Variants in RAD23B observed in about 807,000 individuals in gnomAD.
RAD23B encodes RAD23 nucleotide excision repair protein B, also known as lysine-specific demethylase RAD23B.
A neutral mutation model predicts 49.1 loss-of-function variants in RAD23B; 5 were observed. The observed-to-expected ratio is 0.10, with a 90% CI of 0.05 to 0.21. The LOEUF is 0.21. Among genes scored for constraint, RAD23B ranks in the 10% least tolerant of loss-of-function variants. The pLI is 1.00. For synonymous variants in RAD23B, 184 were observed against 165.4 expected (o/e 1.11, Z -0.86); for missense variants, 356 against 486.7 (o/e 0.73, Z 2.53).
intron 1 of RAD23B, among the ~76,000 whole-genome samples, chr9:107,288,549 G>A (rs544872299): frequency 3.9e-5 from 6 of 152,282 alleles, no homozygotes; most frequent in South Asian, 2.1e-4. Flanking sequence ...GGGCTCAAGC[G>A]ATTCTCCTGC....
Position 107,308,322 on chromosome 9 carries a change from G to A in RAD23B, c.497+1675G>A, listed in dbSNP as rs186205570. 1.5e-3 allele frequency among the ~76,000 whole-genome samples: 226 copies of A among 151,446 alleles called. 1 individual carries two copies. The highest frequency in any genetic ancestry group is 4.0e-3 in the African/African-American group (166 of 41,266). ...CAACCTCCACCTCCCGGGTTCAAGC[G>A]ATTCTCCTGTCTCAGCCTCCTGAGT... On this transcript the variant is annotated intron_variant, in intron 4 of 9. Coordinates refer to ENST00000358015, the MANE Select transcript of RAD23B (RefSeq NM_002874.5).
chr9:107,308,743 C>T (rs1332009970), intron 4 of RAD23B, among the ~76,000 whole-genome samples: 1 of 152,176 alleles, frequency 6.6e-6, no homozygotes, highest in Admixed American at 6.5e-5. Context: ...AAATACAACA[C>T]AGGAAGAGAG....
At chr9:107,309,577 A>T (rs1826848148) in intron 4 of RAD23B, among the ~76,000 whole-genome samples, 1 of 152,198 alleles carries the variant, frequency 6.6e-6, no homozygotes, top group Non-Finnish European at 1.5e-5. Flanking sequence ...AGATTAAAGA[A>T]TAATGGTTAA....
At chr9:107,319,699 A>G (rs566782623) in intron 6 of RAD23B, among the ~76,000 whole-genome samples, 1 of 152,204 alleles carries the variant, frequency 6.6e-6, no homozygotes, top group South Asian at 2.1e-4. Context: ...TTCCGTTGGC[A>G]TTTGAATTTG....
intron 6 of RAD23B, among the ~76,000 whole-genome samples, chr9:107,320,746 C>T (rs1827093794): frequency 6.6e-6 from 1 of 152,072 alleles, no homozygotes; most frequent in Admixed American, 6.6e-5. Context: ...TTGATGGACG[C>T]CCTGGATCCT....
intron 1 of RAD23B, among the ~76,000 whole-genome samples, chr9:107,292,404 A>T (rs1303110388): frequency 6.6e-6 from 1 of 152,162 alleles, no homozygotes; most frequent in East Asian, 1.9e-4. Context: ...GGTCAGGCTG[A>T]GCGCCGTGGC....
intron 9 of RAD23B, 65 bp from the exon 10 acceptor site, chr9:107,329,478 G>A (rs1369477924): frequency 2.9e-6 from 3 of 1,026,306 alleles, no homozygotes; most frequent in Non-Finnish European, 4.4e-6. Flanking sequence ...TCTATAATAT[G>A]TAAATAAAAT....
At chr9:107,315,391 T>C (rs1764099841) in intron 5 of RAD23B, among the ~76,000 whole-genome samples, 1 of 152,216 alleles carries the variant, frequency 6.6e-6, no homozygotes, top group Non-Finnish European at 1.5e-5. Context: ...GGTAGTATTA[T>C]TTGAAGTCAG....
intron 6 of RAD23B, among the ~76,000 whole-genome samples, chr9:107,321,279 TTTAAGTATCTCATTTATGAGATAC>T (rs869295736): frequency 6.6e-6 from 1 of 150,906 alleles, no homozygotes; most frequent in East Asian, 2.0e-4. Flanking sequence ...TATGAGATAC[TTTAAGTATCTCATTTATGAGATAC>T]TTTGACACTT....
Position 107,283,665 on chromosome 9 carries a change from C to A in RAD23B, c.36C>A (p.Thr12=). 6.7e-7 allele frequency: 1 copy of A among 1,483,928 alleles called. No homozygotes were observed. The highest frequency in any genetic ancestry group is 3.1e-5 in the East Asian group (1 of 32,284). The allele number at this position is 1,483,928 out of a possible 1,614,324, so 91.9% of individuals were successfully genotyped here. Residue 12 remains threonine (T), a synonymous_variant, in exon 1 of 10, where the codon ACC becomes ACA. Transcript: ENST00000358015. ...QVTLKTLQQQ[T]FKIDIDPEET... is the part of the protein sequence containing the mutation. ...CCCTGAAGACCCTCCAGCAGCAGAC[C>A]TTCAAGATAGACATTGACCCCGAGG... is the stretch of plus-strand genomic sequence containing the variant.
At chr9:107,310,014 A>G (rs1378180049) in intron 4 of RAD23B, among the ~76,000 whole-genome samples, 2 of 151,958 alleles carry the variant, frequency 1.3e-5, no homozygotes, top group Non-Finnish European at 2.9e-5. Flanking sequence ...TTTAAAATGT[A>G]TTATACAGTA....
intron 1 of RAD23B, among the ~76,000 whole-genome samples, chr9:107,286,651 G>C (rs562013767): frequency 6.6e-6 from 1 of 152,130 alleles, no homozygotes; most frequent in Non-Finnish European, 1.5e-5. Flanking sequence ...CCATTGCTAG[G>C]AGATTTTCTT....
intron 5 of RAD23B, among the ~76,000 whole-genome samples, chr9:107,317,917 C>T (rs16912374): frequency 0.022 from 3,346 of 152,056 alleles, 117 homozygotes; most frequent in African/African-American, 0.074. Context: ...CTCTCTTTCC[C>T]CCGTTTCAGT....
At chr9:107,294,309 C>G (rs1833445270) in intron 1 of RAD23B, among the ~76,000 whole-genome samples, 1 of 152,130 alleles carries the variant, frequency 6.6e-6, no homozygotes. Flanking sequence ...TTAACCATGT[C>G]TTTGTCTCTA....
At chr9:107,302,664 T>TG (rs958630692) in intron 3 of RAD23B, among the ~76,000 whole-genome samples, 10 of 151,028 alleles carry the variant, frequency 6.6e-5, no homozygotes, top group Non-Finnish European at 1.0e-4. Flanking sequence ...TGTTTTGTTT[T>TG]TTTTTTTTTG....
Position 107,329,677 on chromosome 9 carries a change from A to C in RAD23B, c.*21A>C. 1 of 1,498,892 alleles carries C rather than the reference A, an allele frequency of 6.7e-7. No homozygotes were observed. The highest frequency in any genetic ancestry group is 9.3e-7 in the Non-Finnish European group (1 of 1,076,494). 92.8% of individuals were successfully genotyped at this position (1,498,892 alleles called of 1,614,324 possible). On this transcript the variant is annotated 3_prime_UTR_variant, in exon 10 of 10. Transcript: ENST00000358015. Reference sequence around the variant, plus strand: ...ATTGAAAGGGACTTTTTTATATCTCACACTTCACACCAGTGCATTACACTA... The same window carrying C: ...ATTGAAAGGGACTTTTTTATATCTCCCACTTCACACCAGTGCATTACACTA...
At chr9:107,325,459 CT>C (rs1827187159) in intron 9 of RAD23B, among the ~76,000 whole-genome samples, 1 of 151,520 alleles carries the variant, frequency 6.6e-6, no homozygotes, top group East Asian at 1.9e-4. Flanking sequence ...TTGTGTAATA[CT>C]TTTGTTAAAA....
At chr9:107,327,382 CTTTG>C (rs1564254051) in intron 9 of RAD23B, among the ~76,000 whole-genome samples, 2 of 152,108 alleles carry the variant, frequency 1.3e-5, no homozygotes. Flanking sequence ...TATTATCTAT[CTTTG>C]TTAGCATAGA....
chr9:107,304,063 G>T (rs1303560422), intron 3 of RAD23B, among the ~76,000 whole-genome samples: 3 of 152,068 alleles, frequency 2.0e-5, no homozygotes, highest in African/African-American at 7.2e-5. Flanking sequence ...AAAAGGGAGG[G>T]AATGCTGCTA....
Sources: gnomAD v4.1 joint callset for allele counts (sites outside exome capture counted in the v4.1 genomes callset) on GRCh38, gnomAD v4.1.1 for gene constraint, MANE v1.5 for transcripts, NCBI Gene and HGNC (gene_info 2026-07-23, HGNC 2026-07-21) for gene names.